The following ANO2 variants were observed in gnomAD, a reference collection of about 807,000 sequenced individuals.
ANO2 encodes the protein anoctamin-2.
ANO2 carries 101 observed loss-of-function variants against 124.2 expected under a neutral mutation model. That is an observed-to-expected ratio of 0.81 (90% CI 0.69 to 0.96). The LOEUF (loss-of-function observed/expected upper bound fraction) is 0.96. ANO2 is among the 40% of genes least tolerant of loss of function. ANO2 has a pLI of 0.00. For missense variants in ANO2, 1,293 were observed against 1,274.5 expected, an observed-to-expected ratio of 1.01 and a Z score of -0.22; for synonymous variants, 486 against 482.5, an observed-to-expected ratio of 1.01 and a Z score of -0.09.
intron 24 of ANO2, 127 bp from the exon 25 acceptor site, chr12:5,563,695 G>A: frequency 8.0e-7 from 1 of 1,242,790 alleles, no homozygotes; most frequent in Non-Finnish European, 1.1e-6. Flanking sequence ...ATCGCAACCA[G>A]TGAGCATAAC....
At chr12:5,794,760 T>C (rs1200717307) in intron 10 of ANO2, among the ~76,000 whole-genome samples, 3 of 152,194 alleles carry the variant, frequency 2.0e-5, no homozygotes, top group Non-Finnish European at 4.4e-5. Flanking sequence ...TGCCTCCCCA[T>C]ACTGCCAAGC....
chr12:5,770,603 A>G (rs1055676345), intron 10 of ANO2, among the ~76,000 whole-genome samples: 1 of 152,098 alleles, frequency 6.6e-6, no homozygotes, highest in Non-Finnish European at 1.5e-5. Flanking sequence ...ATGTGTCACC[A>G]TCTCCACCAC....
chr12:5,612,858 T>G (rs1415747611), intron 18 of ANO2, 43 bp downstream of exon 18: 1 of 1,612,144 alleles, frequency 6.2e-7, no homozygotes, highest in South Asian at 1.1e-5. Flanking sequence ...AGAATGGGGC[T>G]GGGTTGGGGT....
chr12:5,573,017 G>A (rs1484916180), intron 23 of ANO2, among the ~76,000 whole-genome samples: 3 of 152,128 alleles, frequency 2.0e-5, no homozygotes, highest in African/African-American at 7.2e-5. Flanking sequence ...ACAATACCTG[G>A]TGTCCTGGGC....
rs149721809 is a variant in ANO2 at position 5,668,954 on chromosome 12, T to C, written c.1546-21153A>G. 1.8e-3 allele frequency among the ~76,000 whole-genome samples: 269 copies of C among 152,238 alleles called. 2 individuals carry two copies. The highest frequency in any genetic ancestry group is 3.8e-4 in the Non-Finnish European group (26 of 68,006). The stretch of plus-strand genomic sequence containing the variant: ...TGGCGTTTTGGTTACTGTAGCCTTG[T>C]AGTACAGTTTGAAGTTGGGTAGCGT... On this transcript the variant is annotated intron_variant, in intron 14 of 24. Transcript: ENST00000682330.
At position 5,780,270 on chromosome 12, in the gene ANO2, A is replaced by T. The variant is rs181995376; in HGVS notation, c.1055+19237T>A. On this transcript the variant is annotated intron_variant, in intron 10 of 24. Transcript: ENST00000682330. ...TAAATGTGGCAGATGTGAACAACTGATGAATCTGAGTGCTGATAATAGGGA... is the reference window on the plus strand; with the variant it reads ...TAAATGTGGCAGATGTGAACAACTGTTGAATCTGAGTGCTGATAATAGGGA... Among the ~76,000 whole-genome samples, 16 of 152,318 alleles carry T rather than the reference A, an allele frequency of 1.1e-4. No individual in the cohort carries two copies. In the East Asian group the frequency reaches 2.9e-3, roughly 28 times the overall value.
intron 4 of ANO2, among the ~76,000 whole-genome samples, chr12:5,849,841 T>C (rs571127006): frequency 1.3e-5 from 2 of 152,260 alleles, no homozygotes; most frequent in African/African-American, 4.8e-5. Context: ...CGCCAGGATG[T>C]GGCTCTCAGC....
At chr12:5,881,868 A>G (rs957642760) in intron 3 of ANO2, 1 of 152,232 alleles carries the variant, frequency 6.6e-6, no homozygotes, top group Non-Finnish European at 1.5e-5. Flanking sequence ...CAGAGACTGA[A>G]GCTATAGAAA....
chr12:5,944,685 T>A (rs1456515732), intron 1 of ANO2, among the ~76,000 whole-genome samples: 5 of 152,194 alleles, frequency 3.3e-5, no homozygotes, highest in Non-Finnish European at 7.4e-5. Context: ...GAACCCTTCC[T>A]GAATGCGGTT....
At chr12:5,939,405 G>A (rs7958920) in intron 1 of ANO2, among the ~76,000 whole-genome samples, 14,799 of 151,922 alleles carry the variant, frequency 0.097, 1,155 homozygotes, top group African/African-American at 0.21. Context: ...AGCACCTACC[G>A]TGTGTCAGGC....
chr12:5,874,809 C>T (rs1179114902), intron 3 of ANO2, among the ~76,000 whole-genome samples: 1 of 152,216 alleles, frequency 6.6e-6, no homozygotes, highest in Non-Finnish European at 1.5e-5. Flanking sequence ...GGAACTCTTA[C>T]CTGCCGACCC....
intron 14 of ANO2, among the ~76,000 whole-genome samples, chr12:5,731,390 G>A: frequency 6.6e-6 from 1 of 151,490 alleles, no homozygotes; most frequent in East Asian, 1.9e-4. Flanking sequence ...AGCATTTTGG[G>A]CTCGAAAACA....
intron 16 of ANO2, among the ~76,000 whole-genome samples, chr12:5,628,130 G>C (rs923335617): frequency 2.6e-5 from 4 of 151,984 alleles, no homozygotes; most frequent in Admixed American, 6.6e-5. Context: ...GATTCCTGGT[G>C]GCCTTTCAAA....
intron 3 of ANO2, among the ~76,000 whole-genome samples, chr12:5,917,069 T>TG (rs1328050158): frequency 2.0e-5 from 3 of 151,450 alleles, no homozygotes; most frequent in Admixed American, 2.0e-4. Flanking sequence ...AAGCCATGGG[T>TG]GGGGGCTGAG....
In ANO2 at chr12:5,575,868, T is replaced by A; in HGVS notation, c.2587A>T (p.Asn863Tyr). The A allele has an allele frequency of 6.2e-7, 1 of 1,613,954 alleles. No homozygotes were observed. Among genetic ancestry groups the A allele is most frequent in the African/African-American group, 1.3e-5 (1 of 75,034 alleles). ...TGAACCTCCTGGTCAAACTGTGAGT[T>A]TTCTGGCTGCGTCCCCTCCTTCAGC... ...SQLKEGTQPE[N>Y]SQFDQEVQFC... The change falls in exon 23 of 25, where the codon AAC (asparagine) becomes TAC (tyrosine). Residue 863 changes from asparagine to tyrosine, a missense_variant. Asn to Tyr is a moderately radical substitution (Grantham distance 143). Coordinates refer to ENST00000682330, the MANE Select transcript of ANO2 (RefSeq NM_001364791.2).
intron 23 of ANO2, among the ~76,000 whole-genome samples, chr12:5,567,714 T>C (rs1941854254): frequency 6.6e-6 from 1 of 152,246 alleles, no homozygotes; most frequent in Admixed American, 6.5e-5. Flanking sequence ...ACCTCTGCTA[T>C]TAACTCACCC....
chr12:5,922,770 C>A lies in ANO2; in HGVS notation c.57G>T (p.Leu19=), dbSNP rs372735240. ...IPLLPGSPRR[L]SPQAGSRGGQ... is the part of the protein sequence containing the mutation. Reference sequence around the variant, plus strand: ...CCCCTCTGGACCCTGCCTGAGGGCTCAGCCGGCGTGGGGAGCCAGGGAGCA... The same window carrying A: ...CCCCTCTGGACCCTGCCTGAGGGCTAAGCCGGCGTGGGGAGCCAGGGAGCA... The change falls in exon 2 of 25, where the codon CTG becomes CTT. Residue 19 remains leucine (L), a synonymous_variant. Transcript: ENST00000682330. The A allele has an allele frequency of 1.3e-6, 2 of 1,549,532 alleles. No individual in the cohort carries two copies. Among genetic ancestry groups the A allele is most frequent in the Non-Finnish European group, 1.7e-6 (2 of 1,148,336 alleles).
In ANO2 at chr12:5,794,676, G is replaced by T. The variant is rs142111849; in HGVS notation, c.1055+4831C>A. The stretch of plus-strand genomic sequence containing the variant: ...AGTCCTGAGAGCCCTCGCTATATCC[G>T]GTCTTGCACACATTTGTCTCCCTAC... On this transcript the variant is annotated intron_variant, in intron 10 of 24. Transcript: ENST00000682330. 1.6e-4 allele frequency among the ~76,000 whole-genome samples: 25 copies of T among 152,140 alleles called. No individual in the cohort carries two copies. The East Asian group carries it at 3.5e-3, about 21-fold the overall frequency.
chr12:5,809,706 C>T (rs575628433), intron 7 of ANO2, among the ~76,000 whole-genome samples: 5 of 152,318 alleles, frequency 3.3e-5, no homozygotes, highest in Admixed American at 6.5e-5. Context: ...TTCCTGTGCA[C>T]GGTGCAGCTG....
Sources: gnomAD v4.1 joint callset for allele counts (sites outside exome capture counted in the v4.1 genomes callset) on GRCh38, gnomAD v4.1.1 for gene constraint, MANE v1.5 for transcripts, NCBI Gene and HGNC (gene_info 2026-07-23, HGNC 2026-07-21) for gene names.